CACNA2D3: variants seen among roughly 807,000 people sequenced by gnomAD.
CACNA2D3 encodes voltage-dependent calcium channel subunit alpha-2/delta-3.
A neutral mutation model predicts 160.6 loss-of-function variants in CACNA2D3; 60 were observed. The ratio of observed to expected loss-of-function variants is 0.37; its 90% CI spans 0.30 to 0.46. CACNA2D3 has a LOEUF of 0.46. CACNA2D3 is among the 20% of genes least tolerant of loss of function. The probability of loss-of-function intolerance (pLI) is 1.00; values close to 1 mark genes in which losing one functional copy is unlikely to be tolerated. For missense variants in CACNA2D3, 1,205 were observed against 1,365.0 expected, an observed-to-expected ratio of 0.88 and a Z score of 1.85; for synonymous variants, 558 against 492.9, an observed-to-expected ratio of 1.13 and a Z score of -1.75.
At chr3:54,309,298 A>G (rs1371452228) in intron 2 of CACNA2D3, among the ~76,000 whole-genome samples, 3 of 152,232 alleles carry the variant, frequency 2.0e-5, no homozygotes, top group Non-Finnish European at 2.9e-5. Flanking sequence ...CTTGCTTCTG[A>G]CTTAATTTCC....
chr3:54,258,364 C>G (rs1702340704), intron 2 of CACNA2D3, among the ~76,000 whole-genome samples: 1 of 152,134 alleles, frequency 6.6e-6, no homozygotes, highest in Non-Finnish European at 1.5e-5. Context: ...AAATGAGAGT[C>G]TGAACCCCTG....
At chr3:54,508,487 C>T (rs1447154613) in intron 5 of CACNA2D3, among the ~76,000 whole-genome samples, 3 of 152,164 alleles carry the variant, frequency 2.0e-5, no homozygotes, top group Non-Finnish European at 4.4e-5. Flanking sequence ...AGGCGGGAAC[C>T]CCAGCAGGAT....
At chr3:54,215,674 C>T (rs1301874586) in intron 2 of CACNA2D3, among the ~76,000 whole-genome samples, 3 of 152,150 alleles carry the variant, frequency 2.0e-5, no homozygotes, top group African/African-American at 7.2e-5. Flanking sequence ...TGTTACTCAG[C>T]CGCAGTGCTT....
At chr3:54,742,373 G>A (rs1192684586) in intron 11 of CACNA2D3, among the ~76,000 whole-genome samples, 1 of 152,074 alleles carries the variant, frequency 6.6e-6, no homozygotes, top group African/African-American at 2.4e-5. Context: ...AGCTGTGATC[G>A]AGCCACTGCA....
intron 27 of CACNA2D3, among the ~76,000 whole-genome samples, chr3:54,954,078 T>A (rs1013449887): frequency 6.6e-6 from 1 of 152,196 alleles, no homozygotes; most frequent in African/African-American, 2.4e-5. Context: ...GAATTCAGTG[T>A]CTCTCTGCCT....
intron 11 of CACNA2D3, among the ~76,000 whole-genome samples, chr3:54,741,467 T>G (rs1321965834): frequency 6.6e-6 from 1 of 152,052 alleles, no homozygotes; most frequent in Admixed American, 6.6e-5. Flanking sequence ...AAAGATCAAG[T>G]AACTTGCTGG....
intron 2 of CACNA2D3, among the ~76,000 whole-genome samples, chr3:54,217,891 G>T (rs1355291809): frequency 1.3e-5 from 2 of 151,920 alleles, no homozygotes; most frequent in African/African-American, 4.8e-5. Flanking sequence ...AGAGAGACAG[G>T]TGTTAGGGAG....
intron 17 of CACNA2D3, among the ~76,000 whole-genome samples, chr3:54,859,615 C>G (rs1262841286): frequency 2.0e-5 from 3 of 152,162 alleles, no homozygotes; most frequent in African/African-American, 7.2e-5. Flanking sequence ...AGGATTGTCC[C>G]TGGGAGCATT....
At chr3:54,250,654 T>G (rs1049706714) in intron 2 of CACNA2D3, among the ~76,000 whole-genome samples, 1 of 152,172 alleles carries the variant, frequency 6.6e-6, no homozygotes, top group Non-Finnish European at 1.5e-5. Flanking sequence ...CTGGCTGGTC[T>G]CAAACTTCTG....
At chr3:54,468,133 G>A (rs1700661831) in intron 4 of CACNA2D3, among the ~76,000 whole-genome samples, 2 of 152,154 alleles carry the variant, frequency 1.3e-5, no homozygotes, top group Non-Finnish European at 2.9e-5. Flanking sequence ...TCTCTTGGAG[G>A]TGGCTGGCAA....
chr3:54,284,586 G>A (rs1469128692), intron 2 of CACNA2D3, among the ~76,000 whole-genome samples: 1 of 152,222 alleles, frequency 6.6e-6, no homozygotes, highest in Admixed American at 6.5e-5. Flanking sequence ...TTTTAAGGAT[G>A]ACATCTAATA....
At chr3:54,909,153 G>T (rs948994617) in intron 27 of CACNA2D3, among the ~76,000 whole-genome samples, 3 of 152,158 alleles carry the variant, frequency 2.0e-5, no homozygotes, top group Non-Finnish European at 2.9e-5. Flanking sequence ...TCCAATCAAA[G>T]ATCCTAAGCT....
chr3:54,253,400 G>T (rs774956757), intron 2 of CACNA2D3, among the ~76,000 whole-genome samples: 2 of 152,154 alleles, frequency 1.3e-5, no homozygotes, highest in Non-Finnish European at 2.9e-5. Context: ...AGGCAAAAGG[G>T]TAGCAGGCAG....
chr3:54,996,313 A>T (rs1702858289), intron 31 of CACNA2D3, among the ~76,000 whole-genome samples: 1 of 152,230 alleles, frequency 6.6e-6, no homozygotes. Flanking sequence ...AAAGAAATTT[A>T]ATATTTTCTA....
chr3:54,540,832 A>G (rs1431768189), intron 5 of CACNA2D3, among the ~76,000 whole-genome samples: 4 of 152,158 alleles, frequency 2.6e-5, no homozygotes, highest in Non-Finnish European at 5.9e-5. Flanking sequence ...TATCCCCACA[A>G]TCTATGAATT....
chr3:54,159,347 C>T (rs1187306370), intron 2 of CACNA2D3, among the ~76,000 whole-genome samples: 4 of 151,756 alleles, frequency 2.6e-5, no homozygotes, highest in African/African-American at 4.8e-5. Context: ...TTGGTATGTA[C>T]AATTTTAGGT....
chr3:54,807,876 TA>T (rs1703174613), intron 13 of CACNA2D3, among the ~76,000 whole-genome samples: 1 of 149,546 alleles, frequency 6.7e-6, no homozygotes, highest in Admixed American at 6.7e-5. Flanking sequence ...TATGCAGCCA[TA>T]AAAAATGATG....
At chr3:54,786,307 T>A (rs1466820477) in intron 13 of CACNA2D3, among the ~76,000 whole-genome samples, 1 of 152,234 alleles carries the variant, frequency 6.6e-6, no homozygotes, top group African/African-American at 2.4e-5. Flanking sequence ...CACAGTACCA[T>A]ACAAATGGTA....
intron 6 of CACNA2D3, among the ~76,000 whole-genome samples, chr3:54,569,010 G>T (rs1186723560): frequency 1.3e-5 from 2 of 152,208 alleles, no homozygotes; most frequent in East Asian, 3.8e-4. Context: ...AGTCTCTGTT[G>T]CAAATCCTCC....
Sources: allele counts gnomAD v4.1 joint callset (sites outside exome capture counted in the v4.1 genomes callset), GRCh38; gene constraint gnomAD v4.1.1; transcripts MANE v1.5; gene names NCBI Gene and HGNC (gene_info 2026-07-23, HGNC 2026-07-21).